Variants in DISP3 observed in about 807,000 individuals in gnomAD.
DISP3 encodes protein dispatched homolog 3.
A neutral mutation model predicts 135.3 loss-of-function variants in DISP3; 101 were observed. The ratio of observed to expected loss-of-function variants is 0.75; its 90% CI spans 0.64 to 0.88. DISP3 has a LOEUF of 0.88. DISP3 is among the 40% of genes least tolerant of loss of function. DISP3 has a pLI of 0.00. For missense variants in DISP3, 1,713 were observed against 1,878.6 expected, an observed-to-expected ratio of 0.91 and a Z score of 1.63; for synonymous variants, 856 against 817.0, an observed-to-expected ratio of 1.05 and a Z score of -0.81.
Position 11,535,592 on chromosome 1 carries a change from T to C in DISP3, c.3764T>C (p.Leu1255Pro). ...TCCTCCGTGGATTACTGCGTCCACC[T>C]GGTCGAGGGCTACCTGCTGGCTGGA... Reference protein sequence around the residue: ...VGSSVDYCVHLVEGYLLAGEN... With the variant: ...VGSSVDYCVHPVEGYLLAGEN... Residue 1255 changes from leucine to proline, a missense_variant, in exon 20 of 21, where the codon CTG (leucine) becomes CCG (proline). Around this residue, in one of 2 missense-constraint regions of DISP3, gnomAD observed 1,142 missense variants for 1,384.6 expected, o/e 0.82. Transcript: ENST00000294484. 7.4e-6 allele frequency: 12 copies of C among 1,613,414 alleles called. No homozygotes were observed. The highest frequency in any genetic ancestry group is 1.0e-5 in the Non-Finnish European group (12 of 1,179,894).
chr1:11,525,430 G>A (rs895380111), intron 12 of DISP3, 118 bp downstream of exon 12: 1 of 1,266,620 alleles, frequency 7.9e-7, no homozygotes, highest in Non-Finnish European at 1.0e-6. Flanking sequence ...TGAGGATGAA[G>A]ACCCCCCTCC....
At chr1:11,517,180 G>A (rs2100458404) in intron 6 of DISP3, among the ~76,000 whole-genome samples, 1 of 152,338 alleles carries the variant, frequency 6.6e-6, no homozygotes, top group South Asian at 2.1e-4. Context: ...ACTGACCACT[G>A]CCTCTGTGCC....
rs1325280097 is a variant in DISP3, at chr1:11,483,923, A to G, written c.-4+4551A>G. Among the ~76,000 whole-genome samples, 1 of 152,252 alleles carries G rather than the reference A, an allele frequency of 6.6e-6. No individual in the cohort carries two copies. Among genetic ancestry groups the G allele is most frequent in the South Asian group, 2.1e-4 (1 of 4,834 alleles). On this transcript the variant is annotated intron_variant, in intron 1 of 20. Coordinates refer to ENST00000294484, the MANE Select transcript of DISP3 (RefSeq NM_020780.2). The surrounding 1 kb of genome is among the most constrained non-coding windows in gnomAD (Gnocchi z 5.4). ...GCCCAGCATCACACAGCATGTTGGT[A>G]GCAGAGCCTGAGTCTCAGAATCCCA... is the stretch of plus-strand genomic sequence containing the variant.
chr1:11,514,353 C>A, intron 3 of DISP3, 37 bp from the exon 4 acceptor site: 1 of 1,577,346 alleles, frequency 6.3e-7, no homozygotes, highest in South Asian at 1.1e-5. Context: ...TAATCCTCTT[C>A]CTGTCATTCT....
Position 11,525,190 on chromosome 1 carries a change from G to A in DISP3, c.2491G>A (p.Val831Met), listed in dbSNP as rs755361319. The A allele has an allele frequency of 1.1e-5, 17 of 1,613,760 alleles. No individual in the cohort carries two copies. Among genetic ancestry groups the A allele is most frequent in the Middle Eastern group, 1.6e-4 (1 of 6,078 alleles). ...TTTGTCCGTAGATTTCCCAGGCACCGTGTACATCTCTAAAGTGAAGAGTCA... is the reference window on the plus strand; with the variant it reads ...TTTGTCCGTAGATTTCCCAGGCACCATGTACATCTCTAAAGTGAAGAGTCA... ...EATLQDFPGT[V>M]YISKVKSQGH... The change falls in exon 12 of 21, where the codon GTG (valine) becomes ATG (methionine). Residue 831 changes from valine to methionine, a missense_variant. Around this residue, in one of 2 missense-constraint regions of DISP3, gnomAD observed 1,142 missense variants for 1,384.6 expected, o/e 0.82. Coordinates refer to ENST00000294484, the MANE Select transcript of DISP3 (RefSeq NM_020780.2).
intron 12 of DISP3, 40 bp from the exon 13 acceptor site, chr1:11,526,611 C>T (rs200566613): frequency 5.7e-6 from 9 of 1,591,702 alleles, no homozygotes; most frequent in Non-Finnish European, 6.9e-6. Flanking sequence ...AGGCAGCCCC[C>T]CCGAGTCATG....
In DISP3 at chr1:11,524,095, T is replaced by C; in HGVS notation, c.2476+40T>C. On this transcript the variant is annotated intron_variant, in intron 11 of 20. Transcript: ENST00000294484. ...TGGAGGGTGGGGAAATCCTCCCTGG[T>C]GCTAGGGTTGAAGGCCCTGTAAGGA... The C allele has an allele frequency of 2.0e-6, 3 of 1,473,460 alleles. No individual in the cohort carries two copies. In the South Asian group the frequency reaches 3.4e-5, roughly 17 times the overall value. 91.3% of individuals were successfully genotyped at this position (1,473,460 alleles called of 1,614,324 possible). A position where few individuals can be genotyped will look rare whatever the true frequency, so the allele number is the denominator to read the frequency against.
At position 11,528,120 on chromosome 1, in the gene DISP3, C is replaced by T. The variant is rs1456485157; in HGVS notation, c.2798+1285C>T. Among the ~76,000 whole-genome samples the T allele has an allele frequency of 2.0e-5, 3 of 152,230 alleles. 1 individual carries two copies. The highest frequency in any genetic ancestry group is 2.0e-4 in the Admixed American group (3 of 15,288). On this transcript the variant is annotated intron_variant, in intron 13 of 20. Transcript: ENST00000294484. ...CACTCCACACTTCCTTGACAAGGCA[C>T]TCACCCACACTCTAAATATATCATT... is the stretch of plus-strand genomic sequence containing the variant.
At chr1:11,480,677 G>GCACACA (rs70983561) in intron 1 of DISP3, among the ~76,000 whole-genome samples, 1,657 of 142,732 alleles carry the variant, frequency 0.012, 18 homozygotes, top group Middle Eastern at 0.025. Context: ...GCGCGCGCGT[G>GCACACA]CACACACACA....
In DISP3 at chr1:11,520,566, C is replaced by T. The variant is rs1169888366; in HGVS notation, c.2201-121C>T. ...CGGGCTGGCATGCAGGGCCTTCCCC[C>T]GCACCCTTAGGACACCCGCCCCCCA... is the stretch of plus-strand genomic sequence containing the variant. On this transcript the variant is annotated intron_variant, in intron 9 of 20. Coordinates refer to ENST00000294484, the MANE Select transcript of DISP3 (RefSeq NM_020780.2). The surrounding 1 kb of genome is among the most constrained non-coding windows in gnomAD (Gnocchi z 4.8). The T allele has an allele frequency of 1.7e-5, 19 of 1,143,410 alleles. No individual in the cohort carries two copies. The highest frequency in any genetic ancestry group is 4.7e-5 in the African/African-American group (3 of 64,508). The allele number at this position is 1,143,410 out of a possible 1,614,324, so 70.8% of individuals were successfully genotyped here.
chr1:11,536,363 G>A lies in DISP3; in HGVS notation c.3856G>A (p.Val1286Met), dbSNP rs981816375. 22 of 1,606,824 alleles carry A rather than the reference G, an allele frequency of 1.4e-5. No individual in the cohort carries two copies. The highest frequency in any genetic ancestry group is 1.6e-4 in the Middle Eastern group (1 of 6,080). ...TQRQWRTLEAVRHVGVAIVSS... is the reference protein window; with the variant it reads ...TQRQWRTLEAMRHVGVAIVSS... ...GCGCCAGTGGCGTACGCTGGAGGCC[G>A]TGCGGCACGTGGGCGTGGCCATCGT... is the stretch of plus-strand genomic sequence containing the variant. The change falls in exon 21 of 21, where the codon GTG (valine) becomes ATG (methionine). Residue 1286 changes from valine to methionine, a missense_variant. Val to Met is a conservative substitution (Grantham distance 21). Coordinates refer to ENST00000294484, the MANE Select transcript of DISP3 (RefSeq NM_020780.2). This position sits in a 1 kb window ranked among gnomAD's most constrained non-coding sequence, Gnocchi z 4.3.
At chr1:11,493,905 A>G (rs545665385) in intron 1 of DISP3, among the ~76,000 whole-genome samples, 1 of 152,292 alleles carries the variant, frequency 6.6e-6, no homozygotes, top group Admixed American at 6.5e-5. Flanking sequence ...GACTTCCTTT[A>G]CATCATGCCC....
intron 18 of DISP3, chr1:11,534,756 C>T: frequency 1.3e-6 from 1 of 784,876 alleles, no homozygotes; most frequent in Non-Finnish European, 2.1e-6. Flanking sequence ...GGACTTTGGC[C>T]ACCTAAAAAG....
intron 3 of DISP3, among the ~76,000 whole-genome samples, chr1:11,510,534 T>C (rs1641829163): frequency 6.6e-6 from 1 of 152,244 alleles, no homozygotes; most frequent in African/African-American, 2.4e-5. Context: ...TTATTTTTGT[T>C]TAAACTGTCA....
intron 17 of DISP3, 91 bp from the exon 18 acceptor site, chr1:11,534,290 T>C (rs1230315265): frequency 2.6e-5 from 39 of 1,484,968 alleles, no homozygotes; most frequent in Middle Eastern, 1.7e-4. Flanking sequence ...CACCACTCCA[T>C]TGGTGGCCGC....
intron 3 of DISP3, among the ~76,000 whole-genome samples, chr1:11,511,034 T>C (rs750006661): frequency 9.5e-4 from 144 of 152,304 alleles, no homozygotes; most frequent in Non-Finnish European, 6.5e-4. Context: ...ACCATGAGAA[T>C]AGCATGGTAA....
chr1:11,519,826 CTGCTGCACCACTGGGT>C lies in DISP3; in HGVS notation c.2147_2162del (p.Leu716ProfsTer11), dbSNP rs1557612631. 1 of 1,612,704 alleles carries C rather than the reference CTGCTGCACCACTGGGT, an allele frequency of 6.2e-7. No homozygotes were observed. Among genetic ancestry groups the C allele is most frequent in the Non-Finnish European group, 8.5e-7 (1 of 1,179,994 alleles). On this transcript the variant is annotated frameshift_variant, in exon 9 of 21. Coordinates refer to ENST00000294484, the MANE Select transcript of DISP3 (RefSeq NM_020780.2). LOFTEE classifies it high-confidence loss of function. This position sits in a 1 kb window ranked among gnomAD's most constrained non-coding sequence, Gnocchi z 4.3. ...CCATCTCATCGTGCAGCTGCAGGAG[CTGCTGCACCACTGGGT>C]CCTGTGGTCAGCCGTCAAGAGCCGC...
intron 1 of DISP3, among the ~76,000 whole-genome samples, chr1:11,492,679 G>C (rs1326968514): frequency 1.3e-5 from 2 of 152,222 alleles, no homozygotes; most frequent in African/African-American, 4.8e-5. Flanking sequence ...GTTTCTTAGG[G>C]GGCAGCAGGG....
chr1:11,505,163 C>A (rs1641662266), intron 3 of DISP3, among the ~76,000 whole-genome samples: 1 of 152,224 alleles, frequency 6.6e-6, no homozygotes, highest in South Asian at 2.1e-4. Context: ...CCAGACCTGG[C>A]AGTATTTTCA....
Sources: gnomAD v4.1 joint callset for allele counts (sites outside exome capture counted in the v4.1 genomes callset) on GRCh38, gnomAD v4.1.1 for gene constraint, gnomAD v4.1.1 regional missense constraint, Gnocchi (gnomAD v3.1) non-coding constraint, MANE v1.5 for transcripts, NCBI Gene and HGNC (gene_info 2026-07-23, HGNC 2026-07-21) for gene names.